Variants in NSG2 observed in about 807,000 individuals in gnomAD.
NSG2 encodes the protein neuronal vesicle trafficking associated 2.
In NSG2, 4 loss-of-function variants were observed where a neutral mutation model predicts 16.9. The ratio of observed to expected loss-of-function variants is 0.24; its 90% CI spans 0.12 to 0.54. NSG2 has a LOEUF of 0.54. NSG2 is among the 20% of genes least tolerant of loss of function. NSG2 has a pLI of 0.95. For missense variants in NSG2, 179 were observed against 221.1 expected (o/e 0.81, Z 1.21); for synonymous variants, 98 against 88.7 (o/e 1.11, Z -0.59).
chr5:174,064,783 G>A (rs987207562), intron 3 of NSG2, among the ~76,000 whole-genome samples: 1 of 152,162 alleles, frequency 6.6e-6, no homozygotes, highest in Non-Finnish European at 1.5e-5. Context: ...GAGGAGCACT[G>A]GAGAATATGT....
At chr5:174,099,377 A>C (rs1760864720) in intron 3 of NSG2, among the ~76,000 whole-genome samples, 1 of 152,026 alleles carries the variant, frequency 6.6e-6, no homozygotes. Flanking sequence ...ATCTTAGGCC[A>C]TTGACTCCAC....
At position 174,100,447 on chromosome 5, in the gene NSG2, G is replaced by A. The variant is rs1581243442; in HGVS notation, c.214-3781G>A. On this transcript the variant is annotated intron_variant, in intron 3 of 4. Coordinates refer to ENST00000303177, the MANE Select transcript of NSG2 (RefSeq NM_015980.5). ...ACTCACAGCTAGTCCTACTAGAGCAGCGCTTCTCTTCCTGGTTACACACGG... is the reference window on the plus strand; with the variant it reads ...ACTCACAGCTAGTCCTACTAGAGCAACGCTTCTCTTCCTGGTTACACACGG... 5.3e-5 allele frequency among the ~76,000 whole-genome samples: 8 copies of A among 152,178 alleles called. No homozygotes were observed. In the South Asian group the frequency reaches 1.7e-3, roughly 32 times the overall value.
At chr5:174,059,304 T>C (rs1760013771) in intron 2 of NSG2, among the ~76,000 whole-genome samples, 1 of 152,194 alleles carries the variant, frequency 6.6e-6, no homozygotes, top group African/African-American at 2.4e-5. Flanking sequence ...GCATTCCATT[T>C]TCTGAGTAAA....
intron 1 of NSG2, among the ~76,000 whole-genome samples, chr5:174,046,462 A>G (rs868438498): frequency 6.4e-4 from 98 of 152,160 alleles, no homozygotes; most frequent in African/African-American, 2.2e-3. Flanking sequence ...TTACACTTAT[A>G]TTTTTTGTGT....
chr5:174,103,766 G>A (rs1760935959), intron 3 of NSG2, among the ~76,000 whole-genome samples: 1 of 152,096 alleles, frequency 6.6e-6, no homozygotes, highest in African/African-American at 2.4e-5. Context: ...GGCCAACATG[G>A]TGAAACCCTG....
At chr5:174,098,958 G>A (rs1316994157) in intron 3 of NSG2, among the ~76,000 whole-genome samples, 13 of 152,170 alleles carry the variant, frequency 8.5e-5, no homozygotes, top group Admixed American at 8.5e-4. Flanking sequence ...ACGTCTCTGA[G>A]GATGGAGGTT....
intron 1 of NSG2, among the ~76,000 whole-genome samples, chr5:174,046,360 G>GC (rs1362479259): frequency 6.6e-6 from 1 of 151,884 alleles, no homozygotes; most frequent in African/African-American, 2.4e-5. Context: ...CAGGCGGGGG[G>GC]GGTGGTATAA....
chr5:174,095,701 C>T (rs1013260588), intron 3 of NSG2, among the ~76,000 whole-genome samples: 3 of 152,206 alleles, frequency 2.0e-5, no homozygotes, highest in African/African-American at 7.2e-5. Context: ...GGGGCCACCA[C>T]TCGACCCACT....
rs544194942 is a variant in NSG2 at position 174,094,783 on chromosome 5, G to A, written c.214-9445G>A. 4.6e-5 allele frequency among the ~76,000 whole-genome samples: 7 copies of A among 152,308 alleles called. No homozygotes were observed. The South Asian group carries it at 1.2e-3, about 27-fold the overall frequency. ...TTCCCTTCAGTCACTCTGCCAAGCTGTAGAACAGTTAAGACGGGTCCTGAA... is the reference window on the plus strand; with the variant it reads ...TTCCCTTCAGTCACTCTGCCAAGCTATAGAACAGTTAAGACGGGTCCTGAA... On this transcript the variant is annotated intron_variant, in intron 3 of 4. Transcript: ENST00000303177.
In NSG2 at chr5:174,068,110, C is replaced by T. The variant is rs79881452; in HGVS notation, c.213+3795C>T. On this transcript the variant is annotated intron_variant, in intron 3 of 4. Coordinates refer to ENST00000303177, the MANE Select transcript of NSG2 (RefSeq NM_015980.5). ...TGGGTCACCCTGCAGATATATTGCC[C>T]GGGGCTGAGGGAACCTTGGAAACTG... 2.5e-3 allele frequency among the ~76,000 whole-genome samples: 380 copies of T among 152,230 alleles called. 1 individual carries two copies. Among genetic ancestry groups the T allele is most frequent in the African/African-American group, 8.8e-3 (364 of 41,526 alleles).
intron 3 of NSG2, among the ~76,000 whole-genome samples, chr5:174,075,256 C>T (rs191268523): frequency 7.2e-5 from 11 of 152,130 alleles, no homozygotes; most frequent in South Asian, 2.1e-4. Context: ...TTAAGCCACT[C>T]GGGGTCATAC....
intron 3 of NSG2, among the ~76,000 whole-genome samples, chr5:174,103,704 TGA>T (rs999322732): frequency 3.9e-5 from 6 of 152,162 alleles, no homozygotes; most frequent in African/African-American, 1.4e-4. Flanking sequence ...CCTAGTACTT[TGA>T]GAGGCCGAAG....
intron 2 of NSG2, among the ~76,000 whole-genome samples, chr5:174,051,519 G>A (rs1201957082): frequency 1.3e-4 from 20 of 151,884 alleles, no homozygotes; most frequent in Non-Finnish European, 2.6e-4. Flanking sequence ...TCATTCATTC[G>A]TCGTCCATCT....
chr5:174,071,442 G>A (rs541312329), intron 3 of NSG2, among the ~76,000 whole-genome samples: 20 of 152,308 alleles, frequency 1.3e-4, no homozygotes, highest in Admixed American at 5.9e-4. Context: ...AGCTGAGATC[G>A]CACCACTGCA....
At chr5:174,048,901 G>A (rs908939390) in intron 2 of NSG2, among the ~76,000 whole-genome samples, 1 of 152,212 alleles carries the variant, frequency 6.6e-6, no homozygotes, top group African/African-American at 2.4e-5. Flanking sequence ...AGGGCACCCA[G>A]TTTGACACTC....
intron 2 of NSG2, among the ~76,000 whole-genome samples, chr5:174,052,305 G>A (rs188738547): frequency 6.6e-6 from 1 of 152,120 alleles, no homozygotes; most frequent in African/African-American, 2.4e-5. Flanking sequence ...TGGCAGTGGG[G>A]TGGGGAGGCT....
intron 3 of NSG2, among the ~76,000 whole-genome samples, chr5:174,067,973 G>T (rs944815313): frequency 1.3e-5 from 2 of 152,062 alleles, no homozygotes; most frequent in African/African-American, 4.8e-5. Context: ...AGGTGGTCTG[G>T]CCACCCTTGG....
intron 3 of NSG2, 25 bp downstream of exon 3, chr5:174,064,340 A>G (rs551005534): frequency 6.4e-7 from 1 of 1,574,474 alleles, no homozygotes. Flanking sequence ...GGTGTAATAG[A>G]AAGAGTAAAG....
chr5:174,106,131 G>A (rs1476690086), intron 4 of NSG2, among the ~76,000 whole-genome samples: 7 of 152,102 alleles, frequency 4.6e-5, no homozygotes, highest in African/African-American at 7.2e-5. Flanking sequence ...TTTGCTTATT[G>A]TTTTGGAAAG....
Sources: allele counts gnomAD v4.1 joint callset (sites outside exome capture counted in the v4.1 genomes callset), GRCh38; gene constraint gnomAD v4.1.1; transcripts MANE v1.5; gene names NCBI Gene and HGNC (gene_info 2026-07-23, HGNC 2026-07-21).